Variants in BLTP1 observed in about 807,000 individuals in gnomAD.
BLTP1 encodes the protein bridge-like lipid transfer protein family member 1.
At chr4:122,168,639 G>A in the BLTP1 span, among the ~76,000 whole-genome samples, 105 of 151,734 alleles carry the variant, frequency 6.9e-4, no homozygotes, top group African/African-American at 2.4e-3. Flanking sequence ...AAAGTTAGCC[G>A]TCAAATTTTA....
At chr4:122,200,609 A>G in the BLTP1 span, 1 of 977,510 alleles carries the variant, frequency 1.0e-6, no homozygotes, top group Admixed American at 6.2e-5. Context: ...AAAATGCCAA[A>G]CTGCAGAAAT....
At chr4:122,236,945 G>C in the BLTP1 span, 4 of 985,124 alleles carry the variant, frequency 4.1e-6, no homozygotes, top group African/African-American at 7.0e-5. Flanking sequence ...TGCAGTGTCA[G>C]GATAAAATCA....
At chr4:122,289,804 T>C in the BLTP1 span, 2 of 982,338 alleles carry the variant, frequency 2.0e-6, no homozygotes, top group Non-Finnish European at 2.4e-6. Flanking sequence ...TTTATGCTCA[T>C]GGATTAATTC....
At chr4:122,333,749 A>C in the BLTP1 span, 2 of 1,612,110 alleles carry the variant, frequency 1.2e-6, no homozygotes, top group Non-Finnish European at 1.7e-6. Flanking sequence ...CATCATCTCT[A>C]CAGACAAAGC....
At chr4:122,255,074 AT>A in the BLTP1 span, 2 of 1,536,894 alleles carry the variant, frequency 1.3e-6, no homozygotes, top group Non-Finnish European at 1.8e-6. Context: ...AATGTCTTTT[AT>A]TTGTAGGCTC....
chr4:122,224,923 T>A, the BLTP1 span: 2 of 1,288,132 alleles, frequency 1.6e-6, no homozygotes, highest in South Asian at 3.5e-5. Context: ...TTCAAAGAAT[T>A]TGAGACTTTC....
At chr4:122,182,105 C>A in the BLTP1 span, among the ~76,000 whole-genome samples, 1 of 151,798 alleles carries the variant, frequency 6.6e-6, no homozygotes, top group Admixed American at 6.6e-5. Context: ...ACAGAATATC[C>A]AAAAATTATA....
chr4:122,282,806 AT>A, the BLTP1 span, among the ~76,000 whole-genome samples: 1 of 152,046 alleles, frequency 6.6e-6, no homozygotes, highest in African/African-American at 2.4e-5. Context: ...GGAATCTCAC[AT>A]TTTTTAACTA....
At chr4:122,152,549 C>T in the BLTP1 span, 1 of 985,780 alleles carries the variant, frequency 1.0e-6, no homozygotes, top group East Asian at 1.1e-4. Flanking sequence ...CGGAGAGAGG[C>T]CAGAGGGATT....
At chr4:122,235,602 A>G in the BLTP1 span, 26,687 of 293,972 alleles carry the variant, frequency 0.091, 1,321 homozygotes, top group Non-Finnish European at 0.094. Flanking sequence ...TCAGGAGATC[A>G]AGACCATCCT....
chr4:122,222,928 A>T, the BLTP1 span: 44 of 903,726 alleles, frequency 4.9e-5, no homozygotes, highest in Non-Finnish European at 5.8e-5. Context: ...TTGGTGTATC[A>T]TGTAGGCTAT....
At chr4:122,309,335 G>A in the BLTP1 span, 2 of 1,613,364 alleles carry the variant, frequency 1.2e-6, no homozygotes, top group Non-Finnish European at 1.7e-6. Context: ...TCTCATCACT[G>A]CATGCTCTTC....
the BLTP1 span, chr4:122,174,205 T>G: frequency 1.0e-6 from 1 of 985,332 alleles, no homozygotes. Context: ...CGTCTTCCAT[T>G]AATTTGAGGC....
At chr4:122,298,126 A>G in the BLTP1 span, 7 of 703,700 alleles carry the variant, frequency 9.9e-6, no homozygotes, top group East Asian at 6.6e-4. Context: ...TAGTAGATTC[A>G]TATTTTCTTC....
chr4:122,162,780 A>T, the BLTP1 span: 1 of 420,104 alleles, frequency 2.4e-6, no homozygotes, highest in Non-Finnish European at 3.2e-6. Context: ...ATGAAGTAAA[A>T]ATGTTTTAAA....
At chr4:122,304,261 G>A in the BLTP1 span, among the ~76,000 whole-genome samples, 1 of 152,100 alleles carries the variant, frequency 6.6e-6, no homozygotes, top group African/African-American at 2.4e-5. Flanking sequence ...TCTCAGGCTG[G>A]AGTGCAGTTG....
At chr4:122,198,192 A>G in the BLTP1 span, 8 of 973,582 alleles carry the variant, frequency 8.2e-6, no homozygotes, top group Non-Finnish European at 9.8e-6. Context: ...GTGACTGTGA[A>G]TGGCATAGTG....
At chr4:122,238,186 A>C in the BLTP1 span, 1 of 1,614,056 alleles carries the variant, frequency 6.2e-7, no homozygotes, top group South Asian at 1.1e-5. Context: ...TTCAAGTACC[A>C]TTACGATCTC....
the BLTP1 span, chr4:122,261,990 A>G: frequency 1.0e-6 from 1 of 985,206 alleles, no homozygotes; most frequent in African/African-American, 1.7e-5. Flanking sequence ...ATTTCTTGCT[A>G]TTAGCAAAAA....
Sources: allele counts gnomAD v4.1 joint callset (sites outside exome capture counted in the v4.1 genomes callset), GRCh38; gene constraint gnomAD v4.1.1; transcripts MANE v1.5; gene names NCBI Gene and HGNC (gene_info 2026-07-23, HGNC 2026-07-21).